The following LRRC9 variants were observed in gnomAD, a reference collection of about 807,000 sequenced individuals.
The protein encoded by LRRC9 is leucine-rich repeat-containing protein 9.
A neutral mutation model predicts 63.2 loss-of-function variants in LRRC9; 122 were observed. The observed-to-expected ratio is 1.93, with a 90% CI of 1.67 to 2.24. LRRC9 has a LOEUF of 2.24. Ranked by LOEUF, LRRC9 falls within the 30% of genes most tolerant of loss-of-function variation. The probability of loss-of-function intolerance (pLI) is 0.00; values close to 1 mark genes in which losing one functional copy is unlikely to be tolerated. For synonymous variants in LRRC9, 366 were observed against 213.1 expected (o/e 1.72, Z -6.25); for missense variants, 1,071 against 627.7 (o/e 1.71, Z -7.55).
chr14:60,056,053 G>T (rs1894261507), intron 30 of LRRC9, among the ~76,000 whole-genome samples: 1 of 152,148 alleles, frequency 6.6e-6, no homozygotes, highest in East Asian at 1.9e-4. Flanking sequence ...TTAGACCTCT[G>T]CTTCCATGAT....
Position 60,004,478 on chromosome 14 carries a change from CAATAT to C in LRRC9, c.2842+687_2842+691del, listed in dbSNP as rs1021723636. 2.4e-4 allele frequency among the ~76,000 whole-genome samples: 36 copies of C among 151,870 alleles called. No homozygotes were observed. Among genetic ancestry groups the C allele is most frequent in the Admixed American group, 3.9e-4 (6 of 15,250 alleles). ...AGTAATATCTTAATAATAATGATAC[CAATAT>C]AATATATTTTATTTGACTGTTTAAA... On this transcript the variant is annotated intron_variant, in intron 21 of 31. Coordinates refer to ENST00000445360, the Ensembl canonical transcript of LRRC9. This position sits in a 1 kb window ranked among gnomAD's most constrained non-coding sequence, Gnocchi z 4.8.
At chr14:60,062,499 C>A (rs1242388576) in intron 31 of LRRC9, among the ~76,000 whole-genome samples, 1 of 152,168 alleles carries the variant, frequency 6.6e-6, no homozygotes, top group African/African-American at 2.4e-5. Context: ...GTATCCTCTA[C>A]CAACTCACTC....
chr14:60,061,366 T>A (rs1267037287), intron 31 of LRRC9, among the ~76,000 whole-genome samples: 1 of 152,194 alleles, frequency 6.6e-6, no homozygotes, highest in Admixed American at 6.6e-5. Flanking sequence ...CCAACAACAC[T>A]GAGACAAGAC....
intron 8 of LRRC9, among the ~76,000 whole-genome samples, chr14:59,956,273 G>A (rs1325527494): frequency 2.0e-5 from 3 of 152,082 alleles, no homozygotes; most frequent in Non-Finnish European, 4.4e-5. Flanking sequence ...GAGTGTCTAA[G>A]TCTCTTTGTA....
intron 15 of LRRC9, among the ~76,000 whole-genome samples, chr14:59,978,806 G>A (rs191276387): frequency 3.3e-5 from 5 of 152,152 alleles, no homozygotes; most frequent in African/African-American, 1.2e-4. Flanking sequence ...GAAAACTTGG[G>A]AGTCAAAGGA....
rs1889576877 is a variant in LRRC9, at chr14:59,930,167, T to C, written c.268-751T>C. On this transcript the variant is annotated intron_variant, in intron 3 of 31. Transcript: ENST00000445360. This position sits in a 1 kb window ranked among gnomAD's most constrained non-coding sequence, Gnocchi z 4.9. Reference sequence around the variant, plus strand: ...ATTCTACTTTTTAGTAATCAAATCATAACCAGTACTACGTAGTAATAAAAT... The same window carrying C: ...ATTCTACTTTTTAGTAATCAAATCACAACCAGTACTACGTAGTAATAAAAT... Among the ~76,000 whole-genome samples, 1 of 152,010 alleles carries C rather than the reference T, an allele frequency of 6.6e-6. No individual in the cohort carries two copies. The highest frequency in any genetic ancestry group is 6.6e-5 in the Admixed American group (1 of 15,228).
At chr14:59,998,871 TTA>T (rs1889075276) in intron 18 of LRRC9, among the ~76,000 whole-genome samples, 1 of 152,046 alleles carries the variant, frequency 6.6e-6, no homozygotes, top group African/African-American at 2.4e-5. Flanking sequence ...TTTCAATAGC[TTA>T]TGGGATTTCC....
intron 12 of LRRC9, among the ~76,000 whole-genome samples, chr14:59,971,800 C>T (rs932459905): frequency 6.6e-6 from 1 of 152,072 alleles, no homozygotes; most frequent in East Asian, 1.9e-4. Flanking sequence ...CCATTGCCTG[C>T]GACCACTTTC....
chr14:60,013,883 A>G (rs960697247), intron 23 of LRRC9, among the ~76,000 whole-genome samples: 1 of 152,140 alleles, frequency 6.6e-6, no homozygotes, highest in African/African-American at 2.4e-5. Flanking sequence ...TTAATTGATG[A>G]ACGAAGACCA....
At chr14:59,985,262 C>T (rs1887339203) in intron 17 of LRRC9, 38 bp downstream of exon 17, 1 of 590,320 alleles carries the variant, frequency 1.7e-6, no homozygotes, top group East Asian at 2.8e-5. Context: ...AAGTGAAACT[C>T]ATAGAAGCAG....
intron 17 of LRRC9, among the ~76,000 whole-genome samples, chr14:59,994,940 A>G (rs1044265653): frequency 6.6e-6 from 1 of 152,082 alleles, no homozygotes; most frequent in African/African-American, 2.4e-5. Context: ...GCACACCAAC[A>G]TGGCACATGT....
At chr14:59,975,781 A>C (rs1000902876) in intron 13 of LRRC9, among the ~76,000 whole-genome samples, 14 of 152,230 alleles carry the variant, frequency 9.2e-5, no homozygotes, top group African/African-American at 3.4e-4. Flanking sequence ...AATATGGAGA[A>C]TAGATCAGGT....
At chr14:60,036,929 C>CG (rs1329338693) in intron 29 of LRRC9, among the ~76,000 whole-genome samples, 3 of 152,110 alleles carry the variant, frequency 2.0e-5, no homozygotes, top group African/African-American at 7.2e-5. Flanking sequence ...CCCAACCCCA[C>CG]GACAGGCCCT....
chr14:60,057,653 G>GAAA (rs34584505), intron 30 of LRRC9: 360 of 222,666 alleles, frequency 1.6e-3, no homozygotes, highest in East Asian at 5.1e-3. Flanking sequence ...AATGCAGTCT[G>GAAA]AAAAAAAAAA....
At chr14:60,047,500 C>G (rs1375123524) in intron 29 of LRRC9, among the ~76,000 whole-genome samples, 1 of 152,150 alleles carries the variant, frequency 6.6e-6, no homozygotes, top group African/African-American at 2.4e-5. Context: ...GCAAAGGTCA[C>G]AATCCTAGCT....
intron 15 of LRRC9, 44 bp from the exon 16 acceptor site, chr14:59,981,804 A>G (rs1238804850): frequency 1.1e-5 from 7 of 657,240 alleles, no homozygotes; most frequent in Non-Finnish European, 1.9e-5. Context: ...TCAAAATGAT[A>G]AATACAGCAA....
Position 59,922,605 on chromosome 14 carries a change from A to G in LRRC9, c.-34+2722A>G, listed in dbSNP as rs1888881078. The stretch of plus-strand genomic sequence containing the variant: ...ACATAGGAAAAGGGATTTGTTTTGG[A>G]CAAAAGGAAGAACACCTACTAAGAC... On this transcript the variant is annotated intron_variant, in intron 1 of 31. Transcript: ENST00000445360. The surrounding 1 kb of genome is among the most constrained non-coding windows in gnomAD (Gnocchi z 5.3). Among the ~76,000 whole-genome samples, 2 of 152,204 alleles carry G rather than the reference A, an allele frequency of 1.3e-5. No homozygotes were observed. Among genetic ancestry groups the G allele is most frequent in the Admixed American group, 1.3e-4 (2 of 15,276 alleles).
chr14:59,984,931 G>A (rs1455858717), intron 16 of LRRC9, among the ~76,000 whole-genome samples, 174 bp from the exon 17 acceptor site: 1 of 152,110 alleles, frequency 6.6e-6, no homozygotes, highest in Non-Finnish European at 1.5e-5. Flanking sequence ...TAACATCATA[G>A]ATTAGATTTT....
rs1886111923 is a variant in LRRC9 at position 59,975,151 on chromosome 14, G to GTATATATATATACATATATATACATA, written c.1639+455_1639+456insCATATATATACATATATATATATATA. On this transcript the variant is annotated intron_variant, in intron 13 of 31. Transcript: ENST00000445360. ...TGTATATATATATACATATATATAT[G>GTATATATATATACATATATATACATA]TATATATATATATGTATATATATAT... Among the ~76,000 whole-genome samples the GTATATATATATACATATATATACATA allele has an allele frequency of 3.8e-4, 4 of 10,492 alleles. 2 individuals are homozygous for GTATATATATATACATATATATACATA. Among genetic ancestry groups the GTATATATATATACATATATATACATA allele is most frequent in the Non-Finnish European group, 6.2e-4 (2 of 3,210 alleles). 6.9% of individuals were successfully genotyped at this position (10,492 alleles called of 152,430 possible). A position where few individuals can be genotyped will look rare whatever the true frequency, so the allele number is the denominator to read the frequency against.
Sources: allele counts gnomAD v4.1 joint callset (sites outside exome capture counted in the v4.1 genomes callset), GRCh38; gene constraint gnomAD v4.1.1; non-coding constraint Gnocchi (gnomAD v3.1); transcripts MANE v1.5; gene names NCBI Gene and HGNC (gene_info 2026-07-23, HGNC 2026-07-21).